NXPH1: variants seen among roughly 807,000 people sequenced by gnomAD.
The protein encoded by NXPH1 is neurexophilin 1, also known as neurexophilin-1.
A neutral mutation model predicts 23.7 loss-of-function variants in NXPH1; 5 were observed. That is an observed-to-expected ratio of 0.21 (90% CI 0.11 to 0.44). The LOEUF (loss-of-function observed/expected upper bound fraction) is 0.44. Ranked by LOEUF, NXPH1 falls within the 20% of genes least tolerant of loss-of-function variation. The pLI, the probability that NXPH1 is intolerant of heterozygous loss-of-function variation, is 0.99. For synonymous variants in NXPH1, 144 were observed against 122.2 expected (o/e 1.18, Z -1.18); for missense variants, 324 against 321.6 (o/e 1.01, Z -0.06).
rs1034351292 is a variant in NXPH1, at chr7:8,488,249, TTACATCTTACATAC to T, written c.54+52511_54+52524del. On this transcript the variant is annotated intron_variant, in intron 2 of 2. Coordinates refer to ENST00000405863, the MANE Select transcript of NXPH1 (RefSeq NM_152745.3). ...TGGGACACATACTATATCTTACATA[TTACATCTTACATAC>T]TACATCTTACATACTACATCTTACA... 2.3e-4 allele frequency among the ~76,000 whole-genome samples: 34 copies of T among 148,466 alleles called. 1 individual carries two copies. The highest frequency in any genetic ancestry group is 1.2e-3 in the South Asian group (6 of 4,826).
chr7:8,690,448 T>C lies in NXPH1; in HGVS notation c.55-60560T>C, dbSNP rs181421212. 1.4e-4 allele frequency: 21 copies of C among 152,360 alleles called. No individual in the cohort carries two copies. In the East Asian group the frequency reaches 3.1e-3, roughly 22 times the overall value. The allele number at this position is 152,360 out of a possible 1,614,324, so 9.4% of individuals were successfully genotyped here. A position where few individuals can be genotyped will look rare whatever the true frequency, so the allele number is the denominator to read the frequency against. On this transcript the variant is annotated intron_variant, in intron 2 of 2. Transcript: ENST00000405863. ...TGTTTTTAAAGATATCTATGATTAGTATTTTTAGTTTGTGTTAATATTGGT... is the reference window on the plus strand; with the variant it reads ...TGTTTTTAAAGATATCTATGATTAGCATTTTTAGTTTGTGTTAATATTGGT...
At chr7:8,711,478 A>C (rs1043680778) in intron 2 of NXPH1, among the ~76,000 whole-genome samples, 2 of 152,186 alleles carry the variant, frequency 1.3e-5, no homozygotes, top group African/African-American at 4.8e-5. Context: ...CTGGTTTGGA[A>C]ACATAGGCCA....
chr7:8,563,386 C>A (rs2128620996), intron 2 of NXPH1, among the ~76,000 whole-genome samples: 1 of 151,846 alleles, frequency 6.6e-6, no homozygotes. Context: ...TGCCCACTAA[C>A]TAAGAATTTG....
intron 2 of NXPH1, among the ~76,000 whole-genome samples, chr7:8,527,751 A>G (rs1053546133): frequency 1.3e-5 from 2 of 152,196 alleles, no homozygotes; most frequent in African/African-American, 4.8e-5. Context: ...ATCCAATATG[A>G]AATTGTTTGA....
chr7:8,503,292 A>C (rs1295537101), intron 2 of NXPH1, among the ~76,000 whole-genome samples: 1 of 152,038 alleles, frequency 6.6e-6, no homozygotes, highest in Non-Finnish European at 1.5e-5. Flanking sequence ...AAGGAAGGTC[A>C]CAGGAGTAAT....
rs142719456 is a variant in NXPH1 at position 8,673,400 on chromosome 7, G to A, written c.55-77608G>A. Reference sequence around the variant, plus strand: ...CTCTGGTAATTTTCCCAAATTAGAGGCCACTATGAAGAAATAATATTTCAG... The same window carrying A: ...CTCTGGTAATTTTCCCAAATTAGAGACCACTATGAAGAAATAATATTTCAG... On this transcript the variant is annotated intron_variant, in intron 2 of 2. Transcript: ENST00000405863. Among the ~76,000 whole-genome samples the A allele has an allele frequency of 5.7e-3, 871 of 152,236 alleles. 9 individuals carry two copies. The highest frequency in any genetic ancestry group is 0.02 in the African/African-American group (817 of 41,544).
intron 2 of NXPH1, among the ~76,000 whole-genome samples, chr7:8,713,855 G>A (rs1168253664): frequency 1.3e-5 from 2 of 152,196 alleles, no homozygotes. Flanking sequence ...TGGAGCTTGG[G>A]AAGGGGTGAA....
intron 2 of NXPH1, among the ~76,000 whole-genome samples, chr7:8,678,437 G>A (rs116320311): frequency 3.3e-4 from 51 of 152,270 alleles, no homozygotes; most frequent in African/African-American, 1.1e-3. Flanking sequence ...GTCTGTGGGA[G>A]TTTCTCATTT....
At chr7:8,472,068 C>G (rs1235708607) in intron 2 of NXPH1, among the ~76,000 whole-genome samples, 1 of 151,806 alleles carries the variant, frequency 6.6e-6, no homozygotes, top group East Asian at 1.9e-4. Flanking sequence ...TTTCATATCC[C>G]AAACACAGTA....
rs1003040752 is a variant in NXPH1 at position 8,677,451 on chromosome 7, C to T, written c.55-73557C>T. Reference sequence around the variant, plus strand: ...CTAGTTTGTTAATAGGAAGAGTAGACATTAAATGAATTATTTGCTAAGATA... The same window carrying T: ...CTAGTTTGTTAATAGGAAGAGTAGATATTAAATGAATTATTTGCTAAGATA... On this transcript the variant is annotated intron_variant, in intron 2 of 2. Coordinates refer to ENST00000405863, the MANE Select transcript of NXPH1 (RefSeq NM_152745.3). 3.9e-5 allele frequency among the ~76,000 whole-genome samples: 6 copies of T among 152,192 alleles called. 1 individual carries two copies. The highest frequency in any genetic ancestry group is 6.8e-3 in the Middle Eastern group (2 of 294).
chr7:8,514,493 A>T (rs548450639), intron 2 of NXPH1, among the ~76,000 whole-genome samples: 1 of 152,266 alleles, frequency 6.6e-6, no homozygotes, highest in East Asian at 1.9e-4. Flanking sequence ...TGCCCAATGC[A>T]TTGGAAAATG....
chr7:8,547,270 ATCT>A (rs1452366248), intron 2 of NXPH1, among the ~76,000 whole-genome samples: 4 of 151,336 alleles, frequency 2.6e-5, no homozygotes, highest in Admixed American at 1.3e-4. Flanking sequence ...TCATTGAAGT[ATCT>A]TCTTTTGCAA....
chr7:8,585,771 C>A lies in NXPH1; in HGVS notation c.54+150004C>A, dbSNP rs547855263. On this transcript the variant is annotated intron_variant, in intron 2 of 2. Coordinates refer to ENST00000405863, the MANE Select transcript of NXPH1 (RefSeq NM_152745.3). ...GGTGCTACTCTCTTAAGTGATTGGG[C>A]AGGGCAGGCAGACAGCCAGCCTTGG... Among the ~76,000 whole-genome samples, 3 of 152,286 alleles carry A rather than the reference C, an allele frequency of 2.0e-5. No homozygotes were observed. In the South Asian group the frequency reaches 6.2e-4, roughly 32 times the overall value.
At chr7:8,731,179 T>G (rs1269616386) in intron 2 of NXPH1, among the ~76,000 whole-genome samples, 1 of 152,066 alleles carries the variant, frequency 6.6e-6, no homozygotes, top group Non-Finnish European at 1.5e-5. Flanking sequence ...CGAGCCTTGG[T>G]TTTCAGCTCC....
At chr7:8,543,304 G>A (rs1032282655) in intron 2 of NXPH1, among the ~76,000 whole-genome samples, 3 of 151,498 alleles carry the variant, frequency 2.0e-5, no homozygotes, top group Admixed American at 1.3e-4. Context: ...ATCCATGCAA[G>A]CTCCCATCTT....
intron 2 of NXPH1, among the ~76,000 whole-genome samples, chr7:8,452,575 G>T (rs1256058484): frequency 2.6e-5 from 4 of 152,114 alleles, no homozygotes; most frequent in African/African-American, 9.7e-5. Context: ...GATTTAATAG[G>T]TCAGATTATT....
At chr7:8,745,155 T>C (rs1583258259) in intron 2 of NXPH1, among the ~76,000 whole-genome samples, 1 of 152,362 alleles carries the variant, frequency 6.6e-6, no homozygotes, top group East Asian at 1.9e-4. Flanking sequence ...TCTAAAGTAA[T>C]GCTCCCTGGC....
chr7:8,440,321 A>G (rs971453065), intron 2 of NXPH1, among the ~76,000 whole-genome samples: 2 of 152,172 alleles, frequency 1.3e-5, no homozygotes, highest in Non-Finnish European at 2.9e-5. Context: ...TTCCAGAAGG[A>G]TTATCTTGGT....
At chr7:8,532,020 T>C (rs940213017) in intron 2 of NXPH1, among the ~76,000 whole-genome samples, 2 of 152,140 alleles carry the variant, frequency 1.3e-5, no homozygotes, top group African/African-American at 4.8e-5. Flanking sequence ...TACAGTGGTG[T>C]CTAAGTTAGG....
Sources: gnomAD v4.1 joint callset for allele counts (sites outside exome capture counted in the v4.1 genomes callset) on GRCh38, gnomAD v4.1.1 for gene constraint, MANE v1.5 for transcripts, NCBI Gene and HGNC (gene_info 2026-07-23, HGNC 2026-07-21) for gene names.